The following MACROD2 variants were observed in gnomAD, a reference collection of about 807,000 sequenced individuals.
The protein encoded by MACROD2 is ADP-ribose glycohydrolase MACROD2.
Under a neutral mutation model 70.4 loss-of-function variants are expected in MACROD2, and 36 were observed. That is an observed-to-expected ratio of 0.51 (90% CI 0.39 to 0.68). The LOEUF (loss-of-function observed/expected upper bound fraction) is 0.68, where lower values mean the gene tolerates loss of function less well. Among genes scored for constraint, MACROD2 ranks in the 30% least tolerant of loss-of-function variants. The pLI is 0.00. For synonymous variants in MACROD2, 172 were observed against 178.8 expected, an observed-to-expected ratio of 0.96 and a Z score of 0.30; for missense variants, 496 against 538.4, an observed-to-expected ratio of 0.92 and a Z score of 0.78.
chr20:14,364,762 A>G (rs1024479313), intron 3 of MACROD2, among the ~76,000 whole-genome samples: 4 of 152,110 alleles, frequency 2.6e-5, no homozygotes, highest in African/African-American at 9.7e-5. Flanking sequence ...TTCAAAGTTC[A>G]TTTACATTGT....
chr20:14,510,692 C>G (rs572339075), intron 4 of MACROD2, among the ~76,000 whole-genome samples: 1 of 152,162 alleles, frequency 6.6e-6, no homozygotes, highest in African/African-American at 2.4e-5. Context: ...TCATCTGACT[C>G]TCTATTCTTG....
At chr20:14,717,198 G>A (rs1220262977) in intron 5 of MACROD2, among the ~76,000 whole-genome samples, 1 of 151,964 alleles carries the variant, frequency 6.6e-6, no homozygotes, top group Non-Finnish European at 1.5e-5. Context: ...ACAGAATATA[G>A]AAAATAAATT....
intron 8 of MACROD2, among the ~76,000 whole-genome samples, chr20:15,553,049 G>A (rs1337771054): frequency 6.6e-6 from 1 of 152,160 alleles, no homozygotes; most frequent in Non-Finnish European, 1.5e-5. Context: ...ATTATATGTT[G>A]TTGGAAATTT....
At chr20:15,365,799 T>A (rs2045401185) in intron 6 of MACROD2, among the ~76,000 whole-genome samples, 1 of 152,204 alleles carries the variant, frequency 6.6e-6, no homozygotes, top group South Asian at 2.1e-4. Flanking sequence ...GAAAATTGAT[T>A]ACATAATTAA....
chr20:14,303,449 A>G (rs1334617983), intron 3 of MACROD2, among the ~76,000 whole-genome samples: 2 of 152,214 alleles, frequency 1.3e-5, no homozygotes, highest in Non-Finnish European at 2.9e-5. Flanking sequence ...ATAAATGTCG[A>G]GAAGAGCAGT....
intron 8 of MACROD2, among the ~76,000 whole-genome samples, chr20:15,699,145 T>C (rs983292051): frequency 6.6e-6 from 1 of 152,186 alleles, no homozygotes; most frequent in African/African-American, 2.4e-5. Flanking sequence ...CTGGGGGGCG[T>C]TGAAGAGCCT....
At chr20:15,193,914 A>G (rs572234238) in intron 5 of MACROD2, among the ~76,000 whole-genome samples, 7 of 152,052 alleles carry the variant, frequency 4.6e-5, no homozygotes, top group East Asian at 1.9e-4. Flanking sequence ...CCATGCTTCA[A>G]TTGGGGGAGA....
At chr20:14,244,160 G>A (rs1275654064) in intron 3 of MACROD2, among the ~76,000 whole-genome samples, 1 of 152,142 alleles carries the variant, frequency 6.6e-6, no homozygotes, top group East Asian at 1.9e-4. Flanking sequence ...TTTTGTAGCT[G>A]GGGAAACTGA....
At chr20:15,100,322 TATG>T (rs929070622) in intron 5 of MACROD2, among the ~76,000 whole-genome samples, 9 of 142,394 alleles carry the variant, frequency 6.3e-5, no homozygotes, top group Non-Finnish European at 1.2e-4. Flanking sequence ...ATTTTTGACT[TATG>T]ATGAATTTGT....
chr20:14,557,311 A>T (rs970019389), intron 4 of MACROD2, among the ~76,000 whole-genome samples: 9 of 152,086 alleles, frequency 5.9e-5, no homozygotes, highest in African/African-American at 2.2e-4. Flanking sequence ...GACCTTGCGC[A>T]ATGAATTCTT....
intron 3 of MACROD2, among the ~76,000 whole-genome samples, chr20:14,441,748 A>G (rs945023423): frequency 2.6e-5 from 4 of 152,188 alleles, no homozygotes; most frequent in Non-Finnish European, 4.4e-5. Context: ...TCTAGTTACT[A>G]TGTGCCTCAT....
intron 4 of MACROD2, among the ~76,000 whole-genome samples, chr20:14,655,319 CTGTGTGTGTGTGTGTG>C (rs11470954): frequency 1.8e-4 from 26 of 141,706 alleles, no homozygotes; most frequent in Middle Eastern, 3.5e-3. Context: ...AAAGTGGACA[CTGTGTGTGTGTGTGTG>C]TGTGTGTGTG....
intron 6 of MACROD2, among the ~76,000 whole-genome samples, chr20:15,423,064 G>C (rs764481282): frequency 1.4e-5 from 2 of 147,430 alleles, no homozygotes; most frequent in African/African-American, 2.5e-5. Flanking sequence ...AGCATTACTT[G>C]TTATGATAGA....
At chr20:16,045,828 C>G (rs531522555) in intron 17 of MACROD2, among the ~76,000 whole-genome samples, 5 of 151,964 alleles carry the variant, frequency 3.3e-5, no homozygotes, top group Non-Finnish European at 7.4e-5. Context: ...ACGGGGGCAG[C>G]GGGGAGCAAA....
chr20:15,175,451 A>T (rs2076453861), intron 5 of MACROD2, among the ~76,000 whole-genome samples: 1 of 151,678 alleles, frequency 6.6e-6, no homozygotes, highest in Admixed American at 6.6e-5. Flanking sequence ...AAAATTTAAA[A>T]AAAGATATGC....
At chr20:14,007,512 C>T (rs1300340441) in intron 2 of MACROD2, among the ~76,000 whole-genome samples, 4 of 152,070 alleles carry the variant, frequency 2.6e-5, no homozygotes, top group Non-Finnish European at 5.9e-5. Flanking sequence ...GTATTTATAG[C>T]TCCCATATAA....
intron 8 of MACROD2, among the ~76,000 whole-genome samples, chr20:15,714,476 C>A (rs1378507194): frequency 6.6e-6 from 1 of 152,092 alleles, no homozygotes; most frequent in Non-Finnish European, 1.5e-5. Context: ...ACTTAAGAAA[C>A]CAAGCAGAGG....
At chr20:15,346,893 T>C (rs1017599782) in intron 6 of MACROD2, among the ~76,000 whole-genome samples, 6 of 152,172 alleles carry the variant, frequency 3.9e-5, no homozygotes, top group Admixed American at 2.0e-4. Context: ...ATATTTAGTC[T>C]GAAATCTCTG....
chr20:15,577,715 A>T (rs895773746), intron 8 of MACROD2, among the ~76,000 whole-genome samples: 1 of 152,166 alleles, frequency 6.6e-6, no homozygotes, highest in Admixed American at 6.5e-5. Flanking sequence ...ACATGTACTC[A>T]TATTCATAAA....
Sources: gnomAD v4.1 joint callset for allele counts (sites outside exome capture counted in the v4.1 genomes callset) on GRCh38, gnomAD v4.1.1 for gene constraint, MANE v1.5 for transcripts, NCBI Gene and HGNC (gene_info 2026-07-23, HGNC 2026-07-21) for gene names.